The following PAN3 variants were observed in gnomAD, a reference collection of about 807,000 sequenced individuals.
PAN3 encodes PAN2-PAN3 deadenylation complex subunit PAN3.
PAN3 carries 19 observed loss-of-function variants against 96.2 expected under a neutral mutation model. The ratio of observed to expected loss-of-function variants is 0.20; its 90% CI spans 0.14 to 0.29. The LOEUF (loss-of-function observed/expected upper bound fraction) is 0.29. Among genes scored for constraint, PAN3 ranks in the 10% least tolerant of loss-of-function variants. PAN3 has a pLI of 1.00. For missense variants in PAN3, 882 were observed against 1,108.1 expected, an observed-to-expected ratio of 0.80 and a Z score of 2.90; for synonymous variants, 433 against 406.6, an observed-to-expected ratio of 1.06 and a Z score of -0.78.
At chr13:28,151,975 G>A (rs1871420233) in intron 1 of PAN3, among the ~76,000 whole-genome samples, 1 of 152,136 alleles carries the variant, frequency 6.6e-6, no homozygotes, top group Admixed American at 6.5e-5. Context: ...TAAAATCATG[G>A]AACTGTATGA....
At position 28,197,306 on chromosome 13, in the gene PAN3, A is replaced by G; in HGVS notation, c.812A>G (p.Asn271Ser). Residue 271 changes from asparagine (N) to serine (S), a missense_variant, in exon 5 of 19, where the codon AAT (asparagine) becomes AGT (serine). Transcript: ENST00000380958. ...AGGTGTAAATCAGGAGTACCCATCA[A>G]TATGGTTTGGTGGAACAGAGTCACA... is the stretch of plus-strand genomic sequence containing the variant. ...ADRCKSGVPINMVWWNRVTEN... is the reference protein window; with the variant it reads ...ADRCKSGVPISMVWWNRVTEN... The G allele has an allele frequency of 1.2e-6, 2 of 1,611,098 alleles. No individual in the cohort carries two copies. Among genetic ancestry groups the G allele is most frequent in the East Asian group, 2.2e-5 (1 of 44,762 alleles).
At chr13:28,209,939 C>A (rs45440692) in intron 5 of PAN3, among the ~76,000 whole-genome samples, 2,868 of 152,166 alleles carry the variant, frequency 0.019, 98 homozygotes, top group African/African-American at 0.065. Context: ...TGCTATCATG[C>A]ATGGCTAATT....
At chr13:28,272,154 T>A in intron 14 of PAN3, 83 bp downstream of exon 14, 2 of 981,166 alleles carry the variant, frequency 2.0e-6, no homozygotes, top group African/African-American at 1.7e-5. Context: ...TTCAGTGTTT[T>A]AAGCCTAGAT....
chr13:28,169,222 C>CTTTT lies in PAN3; in HGVS notation c.431-5029_431-5026dup, dbSNP rs202200725. Among the ~76,000 whole-genome samples, 332 of 74,986 alleles carry CTTTT rather than the reference C, an allele frequency of 4.4e-3. 10 individuals are homozygous for CTTTT. Among genetic ancestry groups the CTTTT allele is most frequent in the African/African-American group, 0.012 (211 of 17,858 alleles). The allele number at this position is 74,986 out of a possible 152,430, so 49.2% of individuals were successfully genotyped here. ...CATTTTCTCATTTTTTTTTTGTTTG[C>CTTTT]TTTTTTTTTTTTTTTTTTTTTTTTG... On this transcript the variant is annotated intron_variant, in intron 1 of 18. Coordinates refer to ENST00000380958, the MANE Select transcript of PAN3 (RefSeq NM_175854.8).
intron 4 of PAN3, among the ~76,000 whole-genome samples, chr13:28,181,357 A>T (rs1875739910): frequency 6.6e-6 from 1 of 152,006 alleles, no homozygotes; most frequent in African/African-American, 2.4e-5. Flanking sequence ...AAAAGCCAAA[A>T]ACATTAGCCA....
intron 10 of PAN3, 64 bp downstream of exon 10, chr13:28,266,940 C>T (rs1886234959): frequency 1.5e-6 from 2 of 1,339,976 alleles, no homozygotes; most frequent in Middle Eastern, 2.0e-4. Context: ...TTCAAACCTT[C>T]TTGAATATAT....
At position 28,219,730 on chromosome 13, in the gene PAN3, G is replaced by A. The variant is rs888607365; in HGVS notation, c.853-501G>A. Reference sequence around the variant, plus strand: ...TATCTTGATTCCTCCCATATTTGCCGTGTTTTTAAATGTTTCTCTAACCTT... The same window carrying A: ...TATCTTGATTCCTCCCATATTTGCCATGTTTTTAAATGTTTCTCTAACCTT... On this transcript the variant is annotated intron_variant, in intron 5 of 18. Coordinates refer to ENST00000380958, the MANE Select transcript of PAN3 (RefSeq NM_175854.8). Among the ~76,000 whole-genome samples, 20 of 152,236 alleles carry A rather than the reference G, an allele frequency of 1.3e-4. 1 individual carries two copies. Among genetic ancestry groups the A allele is most frequent in the Admixed American group, 9.8e-4 (15 of 15,286 alleles).
chr13:28,196,088 G>T (rs1251784985), intron 4 of PAN3, among the ~76,000 whole-genome samples: 2 of 149,402 alleles, frequency 1.3e-5, no homozygotes, highest in African/African-American at 4.9e-5. Context: ...TGGAGCTCCT[G>T]GGCTCAAGTG....
chr13:28,227,164 T>C (rs575416664), intron 6 of PAN3, among the ~76,000 whole-genome samples: 24 of 152,244 alleles, frequency 1.6e-4, no homozygotes, highest in African/African-American at 5.1e-4. Context: ...CCCTTCTCAG[T>C]TGGGAATTTC....
chr13:28,156,261 C>G (rs1437479306), intron 1 of PAN3, among the ~76,000 whole-genome samples: 1 of 152,080 alleles, frequency 6.6e-6, no homozygotes, highest in Non-Finnish European at 1.5e-5. Flanking sequence ...ACAAAAAACC[C>G]TCAGAGACTA....
In PAN3 at chr13:28,248,610, C is replaced by T. The variant is rs536607927; in HGVS notation, c.1001-7682C>T. Among the ~76,000 whole-genome samples the T allele has an allele frequency of 5.3e-5, 8 of 152,186 alleles. No homozygotes were observed. The East Asian group carries it at 5.8e-4, about 11-fold the overall frequency. On this transcript the variant is annotated intron_variant, in intron 6 of 18. Coordinates refer to ENST00000380958, the MANE Select transcript of PAN3 (RefSeq NM_175854.8). Reference sequence around the variant, plus strand: ...TGCAATGTTGGCTCACTGCAACCTCCGCCTCCTGGGCTCAAGCAGTCCTCC... The same window carrying T: ...TGCAATGTTGGCTCACTGCAACCTCTGCCTCCTGGGCTCAAGCAGTCCTCC...
chr13:28,200,319 G>C (rs926121718), intron 5 of PAN3, among the ~76,000 whole-genome samples: 3 of 152,102 alleles, frequency 2.0e-5, no homozygotes, highest in African/African-American at 7.2e-5. Context: ...TTTCCTCTGT[G>C]CCATTTAACT....
At chr13:28,250,258 G>A (rs559580295) in intron 6 of PAN3, among the ~76,000 whole-genome samples, 115 of 151,216 alleles carry the variant, frequency 7.6e-4, no homozygotes, top group Non-Finnish European at 1.4e-3. Context: ...GCAGTGGCAC[G>A]ATCATAGCTC....
intron 1 of PAN3, among the ~76,000 whole-genome samples, chr13:28,170,307 A>G (rs1431359717): frequency 6.6e-6 from 1 of 152,204 alleles, no homozygotes; most frequent in Non-Finnish European, 1.5e-5. Context: ...TGTTATTAAA[A>G]GGTGGGAACT....
intron 1 of PAN3, among the ~76,000 whole-genome samples, chr13:28,173,407 T>A (rs2138094879): frequency 1.3e-5 from 2 of 152,336 alleles, no homozygotes; most frequent in Middle Eastern, 3.4e-3. Context: ...CACCAAAAGA[T>A]ATGAACCATT....
At chr13:28,192,395 T>G (rs80146793) in intron 4 of PAN3, among the ~76,000 whole-genome samples, 250 of 152,294 alleles carry the variant, frequency 1.6e-3, no homozygotes, top group African/African-American at 5.6e-3. Context: ...GCATTCAAGC[T>G]TCATCTTTTG....
chr13:28,162,271 G>A (rs946801938), intron 1 of PAN3, among the ~76,000 whole-genome samples: 5 of 152,152 alleles, frequency 3.3e-5, no homozygotes, highest in Non-Finnish European at 7.3e-5. Flanking sequence ...TCCACAATCC[G>A]ATAAAGAAAA....
At chr13:28,259,472 A>G (rs1024742338) in intron 7 of PAN3, among the ~76,000 whole-genome samples, 1 of 151,534 alleles carries the variant, frequency 6.6e-6, no homozygotes, top group East Asian at 1.9e-4. Flanking sequence ...CACCCGGCTA[A>G]TTTTTTGTAT....
At chr13:28,267,044 A>G (rs771112504) in intron 10 of PAN3, 51 bp from the exon 11 acceptor site, 2 of 1,489,680 alleles carry the variant, frequency 1.3e-6, no homozygotes. Flanking sequence ...CTGATGGAAT[A>G]TGAAGGAGAC....
Sources: gnomAD v4.1 joint callset for allele counts (sites outside exome capture counted in the v4.1 genomes callset) on GRCh38, gnomAD v4.1.1 for gene constraint, MANE v1.5 for transcripts, NCBI Gene and HGNC (gene_info 2026-07-23, HGNC 2026-07-21) for gene names.